UBA7: variants seen among roughly 807,000 people sequenced by gnomAD.
UBA7 encodes ubiquitin like modifier activating enzyme 7.
In UBA7, 88 loss-of-function variants were observed where a neutral mutation model predicts 113.0. The observed-to-expected ratio is 0.78, with a 90% CI of 0.66 to 0.93. UBA7 has a LOEUF of 0.93. UBA7 is among the 40% of genes least tolerant of loss of function. The probability of loss-of-function intolerance (pLI) is 0.00; values close to 1 mark genes in which losing one functional copy is unlikely to be tolerated. For missense variants in UBA7, 1,092 were observed against 1,266.4 expected (o/e 0.86, Z 2.09); for synonymous variants, 459 against 513.0 (o/e 0.89, Z 1.42).
intron 8 of UBA7, 198 bp from the exon 9 acceptor site, chr3:49,811,653 C>G (rs897348514): frequency 6.7e-5 from 75 of 1,114,354 alleles, no homozygotes; most frequent in Non-Finnish European, 9.4e-5. Context: ...GGAGGCTTCA[C>G]TAATCTGAGT....
intron 4 of UBA7, 110 bp from the exon 5 acceptor site, chr3:49,812,848 G>A (rs2081571538): frequency 3.7e-6 from 5 of 1,336,984 alleles, no homozygotes; most frequent in Non-Finnish European, 5.3e-6. Context: ...TGCAAGGAGA[G>A]GCTTGGGAAC....
chr3:49,813,684 C>G, intron 1 of UBA7, 37 bp from the exon 2 acceptor site: 20 of 1,614,258 alleles, frequency 1.2e-5, no homozygotes, highest in Non-Finnish European at 1.7e-5. Flanking sequence ...AGTTGTAGAT[C>G]AAGGTCTGAA....
In UBA7 at chr3:49,810,979, C is replaced by T; in HGVS notation, c.1230+5G>A. The T allele has an allele frequency of 4.3e-6, 7 of 1,613,998 alleles. No individual in the cohort carries two copies. The highest frequency in any genetic ancestry group is 5.9e-6 in the Non-Finnish European group (7 of 1,179,898). On this transcript the variant is annotated splice_donor_5th_base_variant and intron_variant, in intron 10 of 23. Coordinates refer to ENST00000333486, the MANE Select transcript of UBA7 (RefSeq NM_003335.3). This position sits in a 1 kb window ranked among gnomAD's most constrained non-coding sequence, Gnocchi z 5.6. ...AAGGCTTGCACCCCTATCCCAGGCT[C>T]TCACCAGGGCACAGTCCTCAGGACT...
rs761310213 is a variant in UBA7 at position 49,805,428 on chromosome 3, T to C, written c.2919A>G (p.Glu973=). The change falls in exon 24 of 24, where the codon GAA becomes GAG. Residue 973 remains glutamate (E), a synonymous_variant. Transcript: ENST00000333486. The part of the protein sequence containing the change: ...QAQHLPLRVT[E]LVQQLTGQAP... ...CCTGGCCTGTCAGCTGCTGAACCAG[T>C]TCTGTCACCCTGGTAGGGGTGGGTT... The C allele has an allele frequency of 6.2e-7, 1 of 1,600,586 alleles. No individual in the cohort carries two copies. Among genetic ancestry groups the C allele is most frequent in the Admixed American group, 1.7e-5 (1 of 58,738 alleles).
At position 49,809,040 on chromosome 3, in the gene UBA7, G is replaced by T; in HGVS notation, c.2283C>A (p.Asp761Glu). The change falls in exon 18 of 24, where the codon GAC becomes GAA. Residue 761 changes from aspartate (D) to glutamate (E), a missense_variant. Physicochemically the swap from Asp to Glu is conservative, Grantham distance 45. Coordinates refer to ENST00000333486, the MANE Select transcript of UBA7 (RefSeq NM_003335.3). Reference protein sequence around the residue: ...RELLKLLPQPDPQQMAPIFAS... With the variant: ...RELLKLLPQPEPQQMAPIFAS... ...CAAAGATGGGGGCCATCTGTTGGGG[G>T]TCAGGCTGTGGCAGCAGCTTCAGCA... is the stretch of plus-strand genomic sequence containing the variant. 2 of 1,613,974 alleles carry T rather than the reference G, an allele frequency of 1.2e-6. No homozygotes were observed. The highest frequency in any genetic ancestry group is 1.7e-6 in the Non-Finnish European group (2 of 1,179,986).
intron 18 of UBA7, 55 bp from the exon 19 acceptor site, chr3:49,808,523 C>A (rs368439645): frequency 2.9e-5 from 45 of 1,571,674 alleles, no homozygotes; most frequent in Non-Finnish European, 3.2e-5. Context: ...CTGCACTCTT[C>A]TTGGAGCCCT....
In UBA7 at chr3:49,807,828, G is replaced by A; in HGVS notation, c.2623C>T (p.Pro875Ser). 6.2e-7 allele frequency: 1 copy of A among 1,614,134 alleles called. No homozygotes were observed. The highest frequency in any genetic ancestry group is 8.5e-7 in the Non-Finnish European group (1 of 1,180,000). Residue 875 changes from proline (P) to serine (S), a missense_variant, in exon 21 of 24, where the codon CCA becomes TCA. Pro to Ser is a moderately conservative substitution (Grantham distance 74). Around this residue, in one of 3 missense-constraint regions of UBA7, gnomAD observed 500 missense variants for 529.3 expected, o/e 0.94. Coordinates refer to ENST00000333486, the MANE Select transcript of UBA7 (RefSeq NM_003335.3). The surrounding 1 kb of genome is among the most constrained non-coding windows in gnomAD (Gnocchi z 4.0). ...GLELYKVVSG[P>S]RPRSAFRHSY... ...TGGCGAAAGGCACTACGAGGCCGTG[G>A]CCCACTCACCACCTTATACAGCTCC... is the stretch of plus-strand genomic sequence containing the variant.
Position 49,809,136 on chromosome 3 carries a change from C to A in UBA7, c.2187G>T (p.Leu729=). 1 of 1,612,658 alleles carries A rather than the reference C, an allele frequency of 6.2e-7. No homozygotes were observed. The highest frequency in any genetic ancestry group is 8.5e-7 in the Non-Finnish European group (1 of 1,179,504). ...TNQDTHLLYV[L]AAANLYAQMH... is the part of the protein sequence containing the mutation. ...TCTGGGCATACAGGTTGGCAGCTGC[C>A]AGTACGTAGAGGAGGTGTGTGTCCT... Residue 729 remains leucine, a synonymous_variant, in exon 18 of 24, where the codon CTG becomes CTT. Transcript: ENST00000333486.
rs751441819 is a variant in UBA7, at chr3:49,805,903, G to A, written c.2903C>T (p.Pro968Leu). The A allele has an allele frequency of 3.7e-5, 58 of 1,553,118 alleles. No homozygotes were observed. The highest frequency in any genetic ancestry group is 4.6e-5 in the Non-Finnish European group (53 of 1,148,212). The change falls in exon 23 of 24, where the codon CCC becomes CTC. Residue 968 changes from proline to leucine, a missense_variant. Pro to Leu is a moderately conservative substitution (Grantham distance 98). Around this residue, in one of 3 missense-constraint regions of UBA7, gnomAD observed 500 missense variants for 529.3 expected, o/e 0.94. Coordinates refer to ENST00000333486, the MANE Select transcript of UBA7 (RefSeq NM_003335.3). ...WSPEKQAQHL[P>L]LRVTELVQQL... ...AAGCCCCAAGTGGGCTCACCTGAGG[G>A]GCAGGTGCTGGGCCTGCTTTTCAGG...
In UBA7 at chr3:49,807,281, C is replaced by G. The variant is rs192881331; in HGVS notation, c.2715+455G>C. 6.6e-6 allele frequency among the ~76,000 whole-genome samples: 1 copy of G among 152,228 alleles called. No individual in the cohort carries two copies. Among genetic ancestry groups the G allele is most frequent in the Non-Finnish European group, 1.5e-5 (1 of 68,038 alleles). On this transcript the variant is annotated intron_variant, in intron 21 of 23. Coordinates refer to ENST00000333486, the MANE Select transcript of UBA7 (RefSeq NM_003335.3). This position sits in a 1 kb window ranked among gnomAD's most constrained non-coding sequence, Gnocchi z 4.0. ...TGCACTCACAACTGTGACACAAATA[C>G]ACTCAGGGCTGCAGACCCCACACCT...
At chr3:49,808,871 C>A in intron 18 of UBA7, 105 bp downstream of exon 18, 1 of 1,416,860 alleles carries the variant, frequency 7.1e-7, no homozygotes, top group East Asian at 2.4e-5. Flanking sequence ...AGCAAATTGG[C>A]TGTAGATCCC....
At chr3:49,813,027 G>A (rs748522945) in intron 4 of UBA7, 35 bp downstream of exon 4, 6 of 1,601,638 alleles carry the variant, frequency 3.7e-6, no homozygotes, top group South Asian at 2.2e-5. Flanking sequence ...GTTGCTGGCT[G>A]TAATATGGTA....
Position 49,810,414 on chromosome 3 carries a change from C to T in UBA7, c.1482G>A (p.Glu494=), listed in dbSNP as rs965537182. ...RSQDVGRPKA[E]VAAAAARGLN... ...GGCCCCGGGCAGCTGCTGCAGCCAC[C>T]TCTGCCTTGGGTCTCTGGGAAGAAG... is the stretch of plus-strand genomic sequence containing the variant. Residue 494 remains glutamate, a synonymous_variant, in exon 13 of 24, where the codon GAG becomes GAA. Coordinates refer to ENST00000333486, the MANE Select transcript of UBA7 (RefSeq NM_003335.3). The surrounding 1 kb of genome is among the most constrained non-coding windows in gnomAD (Gnocchi z 5.6). The T allele has an allele frequency of 3.1e-6, 5 of 1,614,038 alleles. No individual in the cohort carries two copies. Among genetic ancestry groups the T allele is most frequent in the Middle Eastern group, 1.6e-4 (1 of 6,084 alleles).
rs2081503003 is a variant in UBA7 at position 49,809,272 on chromosome 3, T to C, written c.2164-113A>G. ...TTTGCCTCACATGTAGACACCCATA[T>C]ATGCACAAGCATGGCTCTCTCTGGG... On this transcript the variant is annotated intron_variant, in intron 17 of 23. Coordinates refer to ENST00000333486, the MANE Select transcript of UBA7 (RefSeq NM_003335.3). 8 of 1,534,124 alleles carry C rather than the reference T, an allele frequency of 5.2e-6. No homozygotes were observed. The South Asian group carries it at 8.5e-5, about 16-fold the overall frequency.
intron 21 of UBA7, chr3:49,806,421 T>G (rs990081199): frequency 5.3e-6 from 3 of 562,622 alleles, no homozygotes; most frequent in African/African-American, 1.9e-5. Context: ...GTTGTGAGAG[T>G]GGGGGATGAG....
intron 21 of UBA7, 112 bp from the exon 22 acceptor site, chr3:49,806,277 A>AGGGGGGG (rs2081450300): frequency 1.6e-6 from 1 of 612,692 alleles, no homozygotes; most frequent in Admixed American, 2.7e-5. Context: ...AACAGGAGCC[A>AGGGGGGG]GGGGGTGGGG....
Position 49,809,114 on chromosome 3 carries a change from G to A in UBA7, c.2209C>T (p.Gln737Ter). 6.2e-7 allele frequency: 1 copy of A among 1,613,482 alleles called. No homozygotes were observed. Among genetic ancestry groups the A allele is most frequent in the Non-Finnish European group, 8.5e-7 (1 of 1,179,840 alleles). ...TGTGAGCCAGGCAGCCCATGCATCT[G>A]GGCATACAGGTTGGCAGCTGCCAGT... ...YVLAAANLYA[Q>*]MHGLPGSQDW... Residue 737 changes from glutamine to a stop codon, truncating the protein, a stop_gained, in exon 18 of 24, where the codon CAG (glutamine) becomes TAG (stop). Coordinates refer to ENST00000333486, the MANE Select transcript of UBA7 (RefSeq NM_003335.3). LOFTEE classifies it high-confidence loss of function.
At chr3:49,812,943 G>C (rs1207081192) in intron 4 of UBA7, 119 bp downstream of exon 4, 23 of 1,270,630 alleles carry the variant, frequency 1.8e-5, no homozygotes, top group South Asian at 5.6e-5. Context: ...AATCAGAAAG[G>C]CATGCTGGGA....
Position 49,812,466 on chromosome 3 carries a change from C to T in UBA7, c.636G>A (p.Ser212=), listed in dbSNP as rs779909540. 13 of 1,614,120 alleles carry T rather than the reference C, an allele frequency of 8.1e-6. No individual in the cohort carries two copies. The highest frequency in any genetic ancestry group is 2.2e-5 in the East Asian group (1 of 44,896). The change falls in exon 6 of 24, where the codon TCG becomes TCA. Residue 212 remains serine, a synonymous_variant. Coordinates refer to ENST00000333486, the MANE Select transcript of UBA7 (RefSeq NM_003335.3). ...TGAGCTCAACCATTCCCTCAATTCCCGAGAAAGTCACCAAGTCTCCATCAC... is the reference window on the plus strand; with the variant it reads ...TGAGCTCAACCATTCCCTCAATTCCTGAGAAAGTCACCAAGTCTCCATCAC... ...YFRDGDLVTF[S]GIEGMVELND...
Sources: allele counts gnomAD v4.1 joint callset (sites outside exome capture counted in the v4.1 genomes callset), GRCh38; gene constraint gnomAD v4.1.1; regional missense constraint gnomAD v4.1.1; non-coding constraint Gnocchi (gnomAD v3.1); transcripts MANE v1.5; gene names NCBI Gene and HGNC (gene_info 2026-07-23, HGNC 2026-07-21).